PLB1: variants seen among roughly 807,000 people sequenced by gnomAD.
The protein encoded by PLB1 is phospholipase B1, also known as phospholipase B1, membrane-associated.
A neutral mutation model predicts 227.4 loss-of-function variants in PLB1; 242 were observed. The observed-to-expected ratio is 1.06, with a 90% CI of 0.96 to 1.18. The LOEUF (loss-of-function observed/expected upper bound fraction) is 1.18. Ranked by LOEUF, PLB1 falls within the 50% of genes most tolerant of loss-of-function variation. PLB1 has a pLI of 0.00. For synonymous variants in PLB1, 757 were observed against 682.2 expected (o/e 1.11, Z -1.71); for missense variants, 1,858 against 1,816.3 (o/e 1.02, Z -0.42).
At chr2:28,561,366 C>A (rs1018469413) in intron 17 of PLB1, among the ~76,000 whole-genome samples, 1 of 152,142 alleles carries the variant, frequency 6.6e-6, no homozygotes, top group Non-Finnish European at 1.5e-5. Flanking sequence ...CAGCTTGATG[C>A]TTCCTCAAAA....
chr2:28,626,333 C>A, intron 50 of PLB1, 95 bp from the exon 51 acceptor site: 2 of 1,002,288 alleles, frequency 2.0e-6, no homozygotes, highest in Non-Finnish European at 3.1e-6. Flanking sequence ...ATAAATAAGA[C>A]AAAAGGCACT....
intron 43 of PLB1, among the ~76,000 whole-genome samples, chr2:28,610,326 T>TA: frequency 6.6e-6 from 1 of 150,676 alleles, no homozygotes; most frequent in African/African-American, 2.5e-5. Context: ...TTTTTTTTTT[T>TA]AATTAATAGT....
chr2:28,602,979 A>G (rs983467495), intron 39 of PLB1, 58 bp downstream of exon 39: 10 of 1,462,744 alleles, frequency 6.8e-6, no homozygotes, highest in Admixed American at 3.4e-5. Flanking sequence ...GGTCTGGCCC[A>G]CATGCAGTGG....
chr2:28,575,108 T>C (rs569982817), intron 21 of PLB1, among the ~76,000 whole-genome samples: 1 of 152,228 alleles, frequency 6.6e-6, no homozygotes, highest in Non-Finnish European at 1.5e-5. Context: ...TCCATGGCGG[T>C]TGTACTAGTT....
chr2:28,638,301 G>T (rs1469446438), intron 56 of PLB1, among the ~76,000 whole-genome samples: 1 of 152,062 alleles, frequency 6.6e-6, no homozygotes, highest in Non-Finnish European at 1.5e-5. Flanking sequence ...GGGTTGCCAG[G>T]CAGAGGAAAT....
chr2:28,506,785 TGAA>T (rs1667682361), intron 1 of PLB1, among the ~76,000 whole-genome samples: 1 of 152,182 alleles, frequency 6.6e-6, no homozygotes, highest in Non-Finnish European at 1.5e-5. Flanking sequence ...ACCACCTTGG[TGAA>T]CAGAGCCCTG....
At chr2:28,602,331 T>C (rs1684046609) in intron 38 of PLB1, among the ~76,000 whole-genome samples, 1 of 152,218 alleles carries the variant, frequency 6.6e-6, no homozygotes, top group South Asian at 2.1e-4. Context: ...CAAGCCCCTG[T>C]CTGGTCCTGC....
At chr2:28,557,791 G>A (rs1050079118) in intron 17 of PLB1, among the ~76,000 whole-genome samples, 12 of 152,254 alleles carry the variant, frequency 7.9e-5, no homozygotes, top group African/African-American at 2.9e-4. Context: ...CTTTTTCCAG[G>A]GAGAGCAACT....
rs1165049639 is a variant in PLB1 at position 28,598,691 on chromosome 2, C to T, written c.2405C>T (p.Ala802Val). 2.5e-6 allele frequency: 4 copies of T among 1,614,102 alleles called. No homozygotes were observed. Among genetic ancestry groups the T allele is most frequent in the Non-Finnish European group, 3.4e-6 (4 of 1,180,024 alleles). Residue 802 changes from alanine to valine, a missense_variant, in exon 35 of 58, where the codon GCC (alanine) becomes GTC (valine). Ala to Val is a moderately conservative substitution (Grantham distance 64, BLOSUM62 0). Transcript: ENST00000327757. ...TTTAACAGAAACCTCACAGGCTACG[C>T]CGTGGGCACGGGTGATGCCAATGAC... Reference protein sequence around the residue: ...REFNRNLTGYAVGTGDANDTN... With the variant: ...REFNRNLTGYVVGTGDANDTN...
intron 43 of PLB1, among the ~76,000 whole-genome samples, chr2:28,607,035 A>C (rs935913558): frequency 2.0e-4 from 30 of 152,270 alleles, no homozygotes; most frequent in African/African-American, 7.2e-4. Context: ...AGAGGACAGC[A>C]GCAAAGGGCA....
rs1685888028 is a variant in PLB1, at chr2:28,614,305, C to G, written c.3195+209C>G. ...CAAGTTGCTTACCTGACGTCAGCCCCCAAGCAGAGGAAGTGTCTATGGATC... is the reference window on the plus strand; with the variant it reads ...CAAGTTGCTTACCTGACGTCAGCCCGCAAGCAGAGGAAGTGTCTATGGATC... On this transcript the variant is annotated intron_variant, in intron 44 of 57. Coordinates refer to ENST00000327757, the MANE Select transcript of PLB1 (RefSeq NM_153021.5). Among the ~76,000 whole-genome samples the G allele has an allele frequency of 2.0e-5, 3 of 152,142 alleles. 1 individual carries two copies. The South Asian group carries it at 6.2e-4, about 31-fold the overall frequency.
At chr2:28,538,226 G>C (rs1671964737) in intron 9 of PLB1, 93 bp from the exon 10 acceptor site, 8 of 1,504,388 alleles carry the variant, frequency 5.3e-6, no homozygotes, top group South Asian at 3.4e-5. Flanking sequence ...CTGTGGTCTT[G>C]CCTGGCAGGG....
chr2:28,577,755 T>C (rs570939024), intron 21 of PLB1, among the ~76,000 whole-genome samples: 2 of 152,320 alleles, frequency 1.3e-5, no homozygotes, highest in African/African-American at 4.8e-5. Context: ...TCAGGAGAAT[T>C]GCTTGAACCC....
At chr2:28,551,676 C>T (rs1441987659) in intron 16 of PLB1, among the ~76,000 whole-genome samples, 1 of 152,206 alleles carries the variant, frequency 6.6e-6, no homozygotes, top group African/African-American at 2.4e-5. Flanking sequence ...GGCTCTGTGT[C>T]AATGAGCAAG....
At chr2:28,502,314 T>C (rs943473483) in intron 1 of PLB1, among the ~76,000 whole-genome samples, 15 of 152,202 alleles carry the variant, frequency 9.9e-5, no homozygotes, top group Admixed American at 5.9e-4. Context: ...CCTATTCAGT[T>C]AGATGATAGC....
At chr2:28,597,038 C>T (rs971288790) in intron 33 of PLB1, among the ~76,000 whole-genome samples, 5 of 152,070 alleles carry the variant, frequency 3.3e-5, no homozygotes, top group East Asian at 1.9e-4. Flanking sequence ...CTGAGGCGGG[C>T]GAATCATGAG....
At chr2:28,569,130 T>C (rs1677566392) in intron 20 of PLB1, among the ~76,000 whole-genome samples, 1 of 152,256 alleles carries the variant, frequency 6.6e-6, no homozygotes, top group African/African-American at 2.4e-5. Flanking sequence ...GCAGGCACTC[T>C]GCTGAATGGG....
chr2:28,580,111 T>G (rs751465842), intron 23 of PLB1, among the ~76,000 whole-genome samples: 6 of 152,180 alleles, frequency 3.9e-5, no homozygotes, highest in African/African-American at 1.4e-4. Flanking sequence ...CTGCAGGCAT[T>G]TGGGCAAGCT....
intron 26 of PLB1, among the ~76,000 whole-genome samples, chr2:28,588,478 AC>A (rs1681297236): frequency 6.6e-6 from 1 of 152,152 alleles, no homozygotes; most frequent in African/African-American, 2.4e-5. Context: ...CTGGGAATTG[AC>A]CCTGGGAAAA....
Sources: gnomAD v4.1 joint callset for allele counts (sites outside exome capture counted in the v4.1 genomes callset) on GRCh38, gnomAD v4.1.1 for gene constraint, MANE v1.5 for transcripts, NCBI Gene and HGNC (gene_info 2026-07-23, HGNC 2026-07-21) for gene names.